The following MYORG variants were observed in gnomAD, a reference collection of about 807,000 sequenced individuals.
MYORG encodes the protein myogenesis regulating glycosidase.
MYORG carries 45 observed loss-of-function variants against 49.8 expected under a neutral mutation model. The observed-to-expected ratio is 0.90, with a 90% confidence interval of 0.71 to 1.16. The LOEUF is 1.16. Among genes scored for constraint, MYORG ranks in the 50% most tolerant of loss-of-function variants. The probability of loss-of-function intolerance (pLI) is 0.00; values close to 1 mark genes in which losing one functional copy is unlikely to be tolerated. For synonymous variants in MYORG, 552 were observed against 462.9 expected, an observed-to-expected ratio of 1.19 and a Z score of -2.47; for missense variants, 1,110 against 1,026.5, an observed-to-expected ratio of 1.08 and a Z score of -1.11.
At chr9:34,375,499 C>T (rs1463917389) in intron 1 of MYORG, among the ~76,000 whole-genome samples, 1 of 152,192 alleles carries the variant, frequency 6.6e-6, no homozygotes, top group African/African-American at 2.4e-5. Context: ...TAGGTGATGC[C>T]CTCAAGCTGA....
rs375862518 is a variant in MYORG, at chr9:34,370,807, C to A, written c.2137G>T (p.Ala713Ser). The change falls in exon 2 of 2, where the codon GCG becomes TCG. Residue 713 changes from alanine (A) to serine (S), a missense_variant. Ala to Ser is a moderately conservative substitution (Grantham distance 99, BLOSUM62 1). Coordinates refer to ENST00000297625, the MANE Select transcript of MYORG (RefSeq NM_020702.5). Reference sequence around the variant, plus strand: ...CCGGGCCCTGGGCTGGGTCAGGACGCCCAGGTAAAGTAGGCGATCTCATCC... The same window carrying A: ...CCGGGCCCTGGGCTGGGTCAGGACGACCAGGTAAAGTAGGCGATCTCATCC... ...DLDEIAYFTW[A>S]S 196 of 1,575,952 alleles carry A rather than the reference C, an allele frequency of 1.2e-4. No homozygotes were observed. The highest frequency in any genetic ancestry group is 1.7e-4 in the Admixed American group (10 of 58,286).
intron 1 of MYORG, among the ~76,000 whole-genome samples, chr9:34,374,028 C>T (rs576451027): frequency 6.6e-6 from 1 of 152,326 alleles, no homozygotes; most frequent in East Asian, 1.9e-4. Context: ...CTCAAACTCA[C>T]CCTGCTCTCA....
chr9:34,371,543 G>A lies in MYORG; in HGVS notation c.1401C>T (p.Val467=), dbSNP rs574444540. Residue 467 remains valine (V), a synonymous_variant, in exon 2 of 2, where the codon GTC becomes GTT. Coordinates refer to ENST00000297625, the MANE Select transcript of MYORG (RefSeq NM_020702.5). ...TGCTGAAGTCCCGCGGCAGGTAGCT[G>A]ACCTCGCCCGCGTCGAACTTGAAGG... ...VASFKFDAGE[V]SYLPRDFSTY... is the part of the protein sequence containing the mutation. 6 of 1,605,942 alleles carry A rather than the reference G, an allele frequency of 3.7e-6. No homozygotes were observed. The African/African-American group carries it at 8.0e-5, about 21-fold the overall frequency.
rs1239688901 is a variant in MYORG, at chr9:34,372,642, G to C, written c.302C>G (p.Ser101Cys). ...CTGCTCTCCCTTCTGATTGCGGATG[G>C]AGAAGCCGCCAGCTTTCAGGTCCAG... ...ELLDLKAGGF[S>C]IRNQKGEQVF... is the part of the protein sequence containing the mutation. Residue 101 changes from serine to cysteine, a missense_variant, in exon 2 of 2, where the codon TCC becomes TGC. By Grantham distance (112) the Ser-to-Cys change is moderately radical. Coordinates refer to ENST00000297625, the MANE Select transcript of MYORG (RefSeq NM_020702.5). The C allele has an allele frequency of 6.2e-7, 1 of 1,607,150 alleles. No individual in the cohort carries two copies.
rs928044908 is a variant in MYORG at position 34,370,509 on chromosome 9, T to C, written c.*290A>G. Reference sequence around the variant, plus strand: ...ATAACAGGAAGAGAGCTGACCTTTTTCCTCTAAGCTCTCTGGCTTCCACCC... The same window carrying C: ...ATAACAGGAAGAGAGCTGACCTTTTCCCTCTAAGCTCTCTGGCTTCCACCC... On this transcript the variant is annotated 3_prime_UTR_variant, in exon 2 of 2. Coordinates refer to ENST00000297625, the MANE Select transcript of MYORG (RefSeq NM_020702.5). 2.7e-5 allele frequency: 10 copies of C among 369,754 alleles called. No individual in the cohort carries two copies. The highest frequency in any genetic ancestry group is 1.8e-4 in the African/African-American group (9 of 49,302). The allele number at this position is 369,754 out of a possible 1,614,324, so 22.9% of individuals were successfully genotyped here.
In MYORG at chr9:34,376,475, C is replaced by T. The variant is rs1820719278; in HGVS notation, c.-64+318G>A. Among the ~76,000 whole-genome samples the T allele has an allele frequency of 6.6e-6, 1 of 152,178 alleles. No individual in the cohort carries two copies. Among genetic ancestry groups the T allele is most frequent in the South Asian group, 2.1e-4 (1 of 4,828 alleles). On this transcript the variant is annotated intron_variant, in intron 1 of 1. Transcript: ENST00000297625. This position sits in a 1 kb window ranked among gnomAD's most constrained non-coding sequence, Gnocchi z 4.4. ...AGAATCGTTAGTTGGACACAGTTCCCGGGGGGATGGAAATGTCAAAGGCAA... is the reference window on the plus strand; with the variant it reads ...AGAATCGTTAGTTGGACACAGTTCCTGGGGGGATGGAAATGTCAAAGGCAA...
At chr9:34,374,987 C>G (rs1256466440) in intron 1 of MYORG, among the ~76,000 whole-genome samples, 2 of 152,114 alleles carry the variant, frequency 1.3e-5, no homozygotes, top group East Asian at 3.9e-4. Context: ...CTCAAGGCCA[C>G]TGACCGTTCC....
rs1820586395 is a variant in MYORG, at chr9:34,371,135, G to T, written c.1809C>A (p.Ile603=). 1 of 1,607,830 alleles carries T rather than the reference G, an allele frequency of 6.2e-7. No homozygotes were observed. Among genetic ancestry groups the T allele is most frequent in the Non-Finnish European group, 8.5e-7 (1 of 1,175,928 alleles). The change falls in exon 2 of 2, where the codon ATC becomes ATA. Residue 603 remains isoleucine (I), a synonymous_variant. Coordinates refer to ENST00000297625, the MANE Select transcript of MYORG (RefSeq NM_020702.5). ...CCCGCAGGGCGGCGAACTTCTGCGCGATGGCCACCACTTCCGCGTCGTAGC... is the reference window on the plus strand; with the variant it reads ...CCCGCAGGGCGGCGAACTTCTGCGCTATGGCCACCACTTCCGCGTCGTAGC... ...PWRYDAEVVA[I]AQKFAALRAS...
rs1161693217 is a variant in MYORG at position 34,371,662 on chromosome 9, C to T, written c.1282G>A (p.Gly428Ser). ...RLPALVRWWN[G>S]IGAVLDFTHP... ...GTGAAGTCTAGCACCGCGCCGATGCCGTTCCACCAGCGCACCAGCGCAGGT... is the reference window on the plus strand; with the variant it reads ...GTGAAGTCTAGCACCGCGCCGATGCTGTTCCACCAGCGCACCAGCGCAGGT... The change falls in exon 2 of 2, where the codon GGC (glycine) becomes AGC (serine). Residue 428 changes from glycine (G) to serine (S), a missense_variant. By Grantham distance (56) the Gly-to-Ser change is moderately conservative. Coordinates refer to ENST00000297625, the MANE Select transcript of MYORG (RefSeq NM_020702.5). 6.2e-7 allele frequency: 1 copy of T among 1,607,260 alleles called. No homozygotes were observed. The highest frequency in any genetic ancestry group is 8.5e-7 in the Non-Finnish European group (1 of 1,176,980).
Position 34,370,885 on chromosome 9 carries a change from C to T in MYORG, c.2059G>A (p.Gly687Ser), listed in dbSNP as rs2131877554. 2 of 1,613,228 alleles carry T rather than the reference C, an allele frequency of 1.2e-6. No homozygotes were observed. Among genetic ancestry groups the T allele is most frequent in the East Asian group, 2.2e-5 (1 of 44,850 alleles). ...ACCGGCGTCTTGTCGAAAAGCTCACCCTTGTAGCTGCGCCACTTGCCGGCG... is the reference window on the plus strand; with the variant it reads ...ACCGGCGTCTTGTCGAAAAGCTCACTCTTGTAGCTGCGCCACTTGCCGGCG... ...LPAGKWRSYK[G>S]ELFDKTPVLL... Residue 687 changes from glycine to serine, a missense_variant, in exon 2 of 2, where the codon GGT becomes AGT. Coordinates refer to ENST00000297625, the MANE Select transcript of MYORG (RefSeq NM_020702.5).
At chr9:34,373,074 G>A in intron 1 of MYORG, 68 bp from the exon 2 acceptor site, 1 of 1,148,426 alleles carries the variant, frequency 8.7e-7, no homozygotes, top group East Asian at 2.4e-5. Context: ...GCTGCCGCAA[G>A]CTAAGAGGAG....
chr9:34,372,967 G>A lies in MYORG; in HGVS notation c.-24C>T, dbSNP rs959427122. The A allele has an allele frequency of 8.1e-6, 13 of 1,603,258 alleles. No homozygotes were observed. The highest frequency in any genetic ancestry group is 2.7e-5 in the African/African-American group (2 of 74,668). On this transcript the variant is annotated 5_prime_UTR_variant, in exon 2 of 2. Coordinates refer to ENST00000297625, the MANE Select transcript of MYORG (RefSeq NM_020702.5). ...ATTAGTGGGCTGCTAAGAAAGGAGC[G>A]GGCCGTGGGGCCATCTGACTGAGTT... is the stretch of plus-strand genomic sequence containing the variant.
At position 34,368,226 on chromosome 9, in the gene MYORG, C is replaced by T. The variant is rs1820530101; in HGVS notation, c.*2573G>A. The T allele has an allele frequency of 6.6e-6, 1 of 152,280 alleles. No individual in the cohort carries two copies. Among genetic ancestry groups the T allele is most frequent in the East Asian group, 1.9e-4 (1 of 5,190 alleles). 9.4% of individuals were successfully genotyped at this position (152,280 alleles called of 1,614,324 possible). A position where few individuals can be genotyped will look rare whatever the true frequency, so the allele number is the denominator to read the frequency against. On this transcript the variant is annotated 3_prime_UTR_variant, in exon 2 of 2. Coordinates refer to ENST00000297625, the MANE Select transcript of MYORG (RefSeq NM_020702.5). ...CAAAACCATTTTTTCCCTCCTAGGC[C>T]TCCAGGCCTGTGATGGGAGGCACTG...
At position 34,370,953 on chromosome 9, in the gene MYORG, G is replaced by A. The variant is rs771434563; in HGVS notation, c.1991C>T (p.Pro664Leu). The A allele has an allele frequency of 3.7e-6, 6 of 1,613,466 alleles. No homozygotes were observed. The highest frequency in any genetic ancestry group is 8.5e-7 in the Non-Finnish European group (1 of 1,179,842). The change falls in exon 2 of 2, where the codon CCG becomes CTG. Residue 664 changes from proline to leucine, a missense_variant. Transcript: ENST00000297625. ...FLIGDTLLVAPVLEPGKQERD... is the reference protein window; with the variant it reads ...FLIGDTLLVALVLEPGKQERD... Reference sequence around the variant, plus strand: ...CTCCTGCTTGCCTGGCTCCAGCACCGGGGCCACAAGCAGCGTGTCCCCAAT... The same window carrying A: ...CTCCTGCTTGCCTGGCTCCAGCACCAGGGCCACAAGCAGCGTGTCCCCAAT...
intron 1 of MYORG, among the ~76,000 whole-genome samples, chr9:34,374,512 C>A (rs1050505396): frequency 6.6e-6 from 1 of 152,046 alleles, no homozygotes; most frequent in Non-Finnish European, 1.5e-5. Flanking sequence ...TGGCCCAGCG[C>A]ACCTCCTCCA....
chr9:34,371,827 C>A lies in MYORG; in HGVS notation c.1117G>T (p.Ala373Ser). 1 of 1,614,052 alleles carries A rather than the reference C, an allele frequency of 6.2e-7. No homozygotes were observed. Residue 373 changes from alanine (A) to serine (S), a missense_variant, in exon 2 of 2, where the codon GCC (alanine) becomes TCC (serine). Transcript: ENST00000297625. ...CGCAGGCGGCGGAACATGTCGCTGGCGTTGGGGAATTTGACCTCATCGAAG... is the reference window on the plus strand; with the variant it reads ...CGCAGGCGGCGGAACATGTCGCTGGAGTTGGGGAATTTGACCTCATCGAAG... ...FDFDEVKFPN[A>S]SDMFRRLRDA...
intron 1 of MYORG, among the ~76,000 whole-genome samples, chr9:34,375,520 A>C (rs1180780711): frequency 6.6e-6 from 1 of 152,216 alleles, no homozygotes; most frequent in Non-Finnish European, 1.5e-5. Flanking sequence ...GCAGAACCCA[A>C]AGAAGGCTTT....
intron 1 of MYORG, among the ~76,000 whole-genome samples, 170 bp from the exon 2 acceptor site, chr9:34,373,176 C>G (rs1415174799): frequency 2.6e-5 from 4 of 152,212 alleles, no homozygotes; most frequent in African/African-American, 9.6e-5. Flanking sequence ...GCCTAACCCA[C>G]CCTTTCTCAT....
chr9:34,374,639 C>G (rs993785192), intron 1 of MYORG, among the ~76,000 whole-genome samples: 10 of 151,976 alleles, frequency 6.6e-5, no homozygotes, highest in Admixed American at 5.9e-4. Context: ...TGCCTGTAAT[C>G]CTAGCACTTT....
Sources: allele counts gnomAD v4.1 joint callset (sites outside exome capture counted in the v4.1 genomes callset), GRCh38; gene constraint gnomAD v4.1.1; non-coding constraint Gnocchi (gnomAD v3.1); transcripts MANE v1.5; gene names NCBI Gene and HGNC (gene_info 2026-07-23, HGNC 2026-07-21).